PDE4B: variants seen among roughly 807,000 people sequenced by gnomAD.
The protein encoded by PDE4B is 3',5'-cyclic-AMP phosphodiesterase 4B.
PDE4B carries 20 observed loss-of-function variants against 82.2 expected under a neutral mutation model. The observed-to-expected ratio is 0.24, with a 90% CI of 0.17 to 0.35. The LOEUF (loss-of-function observed/expected upper bound fraction) is 0.35. Ranked by LOEUF, PDE4B falls within the 10% of genes least tolerant of loss-of-function variation. The pLI is 1.00. For synonymous variants in PDE4B, 320 were observed against 318.9 expected (o/e 1.00, Z -0.04); for missense variants, 655 against 907.2 (o/e 0.72, Z 3.57).
intron 3 of PDE4B, among the ~76,000 whole-genome samples, chr1:66,098,026 T>C (rs1645151389): frequency 6.6e-6 from 1 of 152,104 alleles, no homozygotes; most frequent in Non-Finnish European, 1.5e-5. Flanking sequence ...GATAACTATA[T>C]AATGATTCTT....
chr1:66,219,012 GTCTTC>G (rs998050788), intron 3 of PDE4B, among the ~76,000 whole-genome samples: 2 of 152,174 alleles, frequency 1.3e-5, no homozygotes, highest in Admixed American at 6.6e-5. Context: ...CAGTGTTCCT[GTCTTC>G]TCAGTTTGAA....
At chr1:65,951,577 T>C (rs943734451) in intron 3 of PDE4B, among the ~76,000 whole-genome samples, 3 of 152,084 alleles carry the variant, frequency 2.0e-5, no homozygotes, top group African/African-American at 7.2e-5. Flanking sequence ...AGTCATTCTG[T>C]TTTTTATTCC....
Position 66,257,636 on chromosome 1 carries a change from C to CT in PDE4B, c.477-7dup. The stretch of plus-strand genomic sequence containing the variant: ...AAATTTCTAAAGGTTCTTTTTTTCT[C>CT]TTTTCACCAGACACGGCGATGACTT... On this transcript the variant is annotated splice_polypyrimidine_tract_variant and intron_variant, in intron 4 of 16. Transcript: ENST00000341517. 1.2e-5 allele frequency: 19 copies of CT among 1,611,762 alleles called. No individual in the cohort carries two copies. The highest frequency in any genetic ancestry group is 1.6e-5 in the Non-Finnish European group (19 of 1,178,298).
chr1:65,842,078 A>C (rs1265902250), intron 1 of PDE4B, among the ~76,000 whole-genome samples: 2 of 152,112 alleles, frequency 1.3e-5, no homozygotes, highest in Non-Finnish European at 2.9e-5. Context: ...AATTAGAGGG[A>C]GCTATATTTA....
chr1:66,337,673 A>C (rs1277627388), intron 8 of PDE4B, among the ~76,000 whole-genome samples: 1 of 152,228 alleles, frequency 6.6e-6, no homozygotes, highest in Non-Finnish European at 1.5e-5. Context: ...CTGTCAAGGT[A>C]AAGGAGATAG....
intron 1 of PDE4B, among the ~76,000 whole-genome samples, chr1:65,813,189 G>A (rs1002441679): frequency 6.6e-6 from 1 of 152,182 alleles, no homozygotes; most frequent in Non-Finnish European, 1.5e-5. Context: ...AGCATATATG[G>A]TGGGTTGGTT....
At chr1:65,941,137 G>T (rs1425594677) in intron 3 of PDE4B, among the ~76,000 whole-genome samples, 2 of 151,920 alleles carry the variant, frequency 1.3e-5, no homozygotes, top group Non-Finnish European at 2.9e-5. Context: ...TACCTCTTCT[G>T]CCAGCAGACA....
chr1:65,896,789 T>C (rs571365911), intron 1 of PDE4B, among the ~76,000 whole-genome samples: 4 of 152,294 alleles, frequency 2.6e-5, no homozygotes, highest in Admixed American at 1.3e-4. Context: ...GTGATTGTAA[T>C]GTTTACCTTG....
intron 1 of PDE4B, among the ~76,000 whole-genome samples, chr1:65,880,881 T>C (rs760074768): frequency 3.9e-5 from 6 of 152,244 alleles, no homozygotes; most frequent in African/African-American, 7.2e-5. Context: ...AATTGAGGTA[T>C]TTCTTACCTC....
intron 3 of PDE4B, among the ~76,000 whole-genome samples, chr1:66,168,363 TAAAG>T (rs1275821945): frequency 1.3e-5 from 2 of 151,666 alleles, no homozygotes; most frequent in African/African-American, 4.8e-5. Context: ...AAAAGCAAAA[TAAAG>T]AGAGTGCTGT....
intron 7 of PDE4B, among the ~76,000 whole-genome samples, chr1:66,279,064 A>AC (rs1329365018): frequency 6.6e-6 from 1 of 151,818 alleles, no homozygotes; most frequent in Non-Finnish European, 1.5e-5. Context: ...CCCCTGATTT[A>AC]CCCCTCTCTG....
At chr1:65,925,325 C>T (rs974045297) in intron 3 of PDE4B, among the ~76,000 whole-genome samples, 1 of 152,014 alleles carries the variant, frequency 6.6e-6, no homozygotes, top group African/African-American at 2.4e-5. Context: ...TACCCCGGAA[C>T]TGAAAATTAA....
intron 3 of PDE4B, among the ~76,000 whole-genome samples, chr1:65,946,110 A>G (rs1481826455): frequency 1.3e-5 from 2 of 151,984 alleles, no homozygotes; most frequent in East Asian, 1.9e-4. Flanking sequence ...TCCCTCATCA[A>G]CAGGTCACAG....
chr1:66,319,027 A>C (rs191773795), intron 7 of PDE4B, among the ~76,000 whole-genome samples: 2 of 152,364 alleles, frequency 1.3e-5, no homozygotes, highest in East Asian at 3.9e-4. Flanking sequence ...AAAATCAGTA[A>C]ACTTGAAAGC....
At chr1:66,068,591 T>A (rs557158736) in intron 3 of PDE4B, among the ~76,000 whole-genome samples, 31 of 152,106 alleles carry the variant, frequency 2.0e-4, no homozygotes, top group African/African-American at 7.5e-4. Context: ...AATAAAATAA[T>A]ATATGCTTTG....
chr1:65,928,684 C>T (rs1394791381), intron 3 of PDE4B, among the ~76,000 whole-genome samples: 1 of 152,182 alleles, frequency 6.6e-6, no homozygotes, highest in East Asian at 1.9e-4. Context: ...GGTGTATCTT[C>T]TGGACCCTCC....
intron 3 of PDE4B, among the ~76,000 whole-genome samples, chr1:66,072,540 A>G (rs1388553338): frequency 6.6e-6 from 1 of 152,108 alleles, no homozygotes; most frequent in Non-Finnish European, 1.5e-5. Context: ...CCAGACTACT[A>G]ACAAGCTGGA....
At chr1:65,887,414 GTTTTTTTT>G (rs34263724) in intron 1 of PDE4B, among the ~76,000 whole-genome samples, 1 of 7,734 alleles carries the variant, frequency 1.3e-4, no homozygotes, top group East Asian at 2.7e-3. Context: ...TTTTTCTTCT[GTTTTTTTT>G]TTTTTTTTTT....
chr1:66,305,782 T>C (rs1472095239), intron 7 of PDE4B, among the ~76,000 whole-genome samples: 4 of 152,186 alleles, frequency 2.6e-5, no homozygotes, highest in Non-Finnish European at 4.4e-5. Flanking sequence ...AAAAATCATA[T>C]ACTAAGTTCA....
Sources: gnomAD v4.1 joint callset for allele counts (sites outside exome capture counted in the v4.1 genomes callset) on GRCh38, gnomAD v4.1.1 for gene constraint, MANE v1.5 for transcripts, NCBI Gene and HGNC (gene_info 2026-07-23, HGNC 2026-07-21) for gene names.